The following EVC2 variants were observed in gnomAD, a reference collection of about 807,000 sequenced individuals.
EVC2 encodes the protein limbin.
A neutral mutation model predicts 149.3 loss-of-function variants in EVC2; 148 were observed. The ratio of observed to expected loss-of-function variants is 0.99; its 90% CI spans 0.87 to 1.14. The LOEUF (loss-of-function observed/expected upper bound fraction) is 1.14. Ranked by LOEUF, EVC2 falls within the 50% of genes most tolerant of loss-of-function variation. The pLI is 0.00. For missense variants in EVC2, 1,854 were observed against 1,627.3 expected (o/e 1.14, Z -2.40); for synonymous variants, 776 against 649.9 (o/e 1.19, Z -2.95).
intron 16 of EVC2, among the ~76,000 whole-genome samples, chr4:5,594,747 A>C (rs535745930): frequency 2.0e-5 from 3 of 152,350 alleles, no homozygotes; most frequent in South Asian, 2.1e-4. Context: ...TGAGAGAAGA[A>C]GGCTTCAGAC....
chr4:5,586,010 C>T (rs756487137), intron 16 of EVC2, among the ~76,000 whole-genome samples: 2 of 151,934 alleles, frequency 1.3e-5, no homozygotes, highest in Admixed American at 1.3e-4. Context: ...TACAGGCATG[C>T]ACCACCACAC....
At chr4:5,583,333 CT>C (rs959970540) in intron 17 of EVC2, among the ~76,000 whole-genome samples, 1 of 152,086 alleles carries the variant, frequency 6.6e-6, no homozygotes, top group African/African-American at 2.4e-5. Context: ...CTGTTCATGT[CT>C]GGTTTTGGTG....
intron 4 of EVC2, among the ~76,000 whole-genome samples, chr4:5,689,840 G>T (rs1023134289): frequency 2.0e-5 from 3 of 152,164 alleles, no homozygotes; most frequent in Non-Finnish European, 4.4e-5. Flanking sequence ...TGGCTCTACT[G>T]CCAGAAGCCA....
intron 21 of EVC2, among the ~76,000 whole-genome samples, chr4:5,554,916 G>A (rs1481678231): frequency 3.3e-5 from 5 of 152,106 alleles, no homozygotes; most frequent in Admixed American, 3.3e-4. Flanking sequence ...TGCACTATAT[G>A]GCTCAGCTAA....
intron 12 of EVC2, among the ~76,000 whole-genome samples, chr4:5,626,578 C>T (rs1284677145): frequency 1.3e-5 from 2 of 152,094 alleles, no homozygotes; most frequent in Non-Finnish European, 2.9e-5. Flanking sequence ...TCGTGATCCA[C>T]CCGCCTCGGC....
At position 5,689,199 on chromosome 4, in the gene EVC2, T is replaced by C; in HGVS notation, c.664A>G (p.Thr222Ala). 1 of 1,614,196 alleles carries C rather than the reference T, an allele frequency of 6.2e-7. No homozygotes were observed. Among genetic ancestry groups the C allele is most frequent in the Non-Finnish European group, 8.5e-7 (1 of 1,180,026 alleles). The change falls in exon 5 of 22, where the codon ACC (threonine) becomes GCC (alanine). Residue 222 changes from threonine (T) to alanine (A), a missense_variant. Coordinates refer to ENST00000344408, the MANE Select transcript of EVC2 (RefSeq NM_147127.5). ...LTIWDSVGNR[T>A]SEGFQAFSKK... ...CTAAAAGCCTGGAATCCTTCCGAGG[T>C]CCTGTTTCCCACAGAGTCCCAAATG...
At chr4:5,607,781 C>T (rs1011332592) in intron 16 of EVC2, among the ~76,000 whole-genome samples, 3 of 152,078 alleles carry the variant, frequency 2.0e-5, no homozygotes, top group African/African-American at 4.8e-5. Flanking sequence ...GAAGAACTGG[C>T]TGCTTACCTG....
the EVC2 span, among the ~76,000 whole-genome samples, chr4:5,532,716 T>A: frequency 6.6e-6 from 1 of 152,150 alleles, no homozygotes. Flanking sequence ...AGAGCTTAGC[T>A]GCTGATATTT....
chr4:5,708,573 G>A, upstream of EVC2: 1 of 1,245,092 alleles, frequency 8.0e-7, no homozygotes, highest in Non-Finnish European at 1.0e-6. Context: ...GGAGCTTCCG[G>A]ACCCCAGGCC....
At chr4:5,549,888 T>C (rs1274975492) in intron 21 of EVC2, among the ~76,000 whole-genome samples, 1 of 152,170 alleles carries the variant, frequency 6.6e-6, no homozygotes, top group Non-Finnish European at 1.5e-5. Flanking sequence ...TCCTGTGCTG[T>C]TCTTGTGATA....
chr4:5,539,952 T>C (rs1721486433), downstream of EVC2, among the ~76,000 whole-genome samples: 1 of 152,192 alleles, frequency 6.6e-6, no homozygotes, highest in African/African-American at 2.4e-5. Flanking sequence ...AACTGCAGAA[T>C]TGGAGAAAAT....
downstream of EVC2, among the ~76,000 whole-genome samples, chr4:5,558,559 CT>C (rs1238734854): frequency 6.6e-6 from 1 of 152,168 alleles, no homozygotes; most frequent in Non-Finnish European, 1.5e-5. Context: ...GCAAAATTGA[CT>C]TTATCATATG....
At chr4:5,684,918 G>C (rs982500934) in intron 6 of EVC2, among the ~76,000 whole-genome samples, 22 of 152,168 alleles carry the variant, frequency 1.4e-4, no homozygotes, top group African/African-American at 5.1e-4. Context: ...CAAAAGCCAA[G>C]AACAGGTCTC....
chr4:5,543,178 C>G (rs980241437), exon 22 of EVC2: 13 of 1,289,720 alleles, frequency 1.0e-5, no homozygotes, highest in Non-Finnish European at 1.2e-5. Context: ...GGAGTCCCTA[C>G]CAGGTACTGC....
At chr4:5,675,117 ATC>A (rs2151717849) in intron 7 of EVC2, among the ~76,000 whole-genome samples, 1 of 152,294 alleles carries the variant, frequency 6.6e-6, no homozygotes, top group African/African-American at 2.4e-5. Context: ...GTGGCATTCC[ATC>A]TCTTATAAAT....
At chr4:5,662,692 AATT>A (rs899987340) in intron 9 of EVC2, among the ~76,000 whole-genome samples, 1 of 147,142 alleles carries the variant, frequency 6.8e-6, no homozygotes, top group African/African-American at 2.5e-5. Flanking sequence ...TATTAAATAT[AATT>A]ATTAAAATAA....
intron 2 of EVC2, among the ~76,000 whole-genome samples, chr4:5,697,331 T>A (rs1283483382): frequency 1.3e-5 from 2 of 152,248 alleles, no homozygotes; most frequent in Non-Finnish European, 1.5e-5. Flanking sequence ...TCACACGTTC[T>A]GTTTCATTCA....
At chr4:5,588,685 TTCAAA>T (rs1712514784) in intron 16 of EVC2, among the ~76,000 whole-genome samples, 1 of 152,196 alleles carries the variant, frequency 6.6e-6, no homozygotes, top group Non-Finnish European at 1.5e-5. Flanking sequence ...TGTGTGTATA[TTCAAA>T]TCAAACTTCT....
intron 2 of EVC2, among the ~76,000 whole-genome samples, chr4:5,697,182 G>T (rs974353457): frequency 1.3e-5 from 2 of 152,208 alleles, no homozygotes; most frequent in African/African-American, 4.8e-5. Context: ...GGAGCAGACA[G>T]ACACCTTGAC....
Sources: allele counts gnomAD v4.1 joint callset (sites outside exome capture counted in the v4.1 genomes callset), GRCh38; gene constraint gnomAD v4.1.1; transcripts MANE v1.5; gene names NCBI Gene and HGNC (gene_info 2026-07-23, HGNC 2026-07-21).